Variants in CADM2 observed in about 807,000 individuals in gnomAD.
CADM2 encodes the protein cell adhesion molecule 2.
Under a neutral mutation model 49.8 loss-of-function variants are expected in CADM2, and 12 were observed. The ratio of observed to expected loss-of-function variants is 0.24; its 90% CI spans 0.15 to 0.39. The LOEUF (loss-of-function observed/expected upper bound fraction) is 0.39. CADM2 is among the 10% of genes least tolerant of loss of function. The probability of loss-of-function intolerance (pLI) is 1.00; values close to 1 mark genes in which losing one functional copy is unlikely to be tolerated. For missense variants in CADM2, 378 were observed against 492.3 expected (o/e 0.77, Z 2.20); for synonymous variants, 214 against 175.4 (o/e 1.22, Z -1.74).
At chr3:85,411,705 G>A (rs746224749) in intron 1 of CADM2, among the ~76,000 whole-genome samples, 24 of 152,186 alleles carry the variant, frequency 1.6e-4, no homozygotes, top group Non-Finnish European at 3.4e-4. Flanking sequence ...ACACCACCAA[G>A]GTTTATTTCA....
intron 1 of CADM2, among the ~76,000 whole-genome samples, chr3:85,107,921 C>T (rs1337106722): frequency 2.0e-5 from 3 of 151,956 alleles, no homozygotes; most frequent in South Asian, 2.1e-4. Context: ...AGGCTGGTCT[C>T]GAACTCCTGA....
At chr3:85,868,715 T>A (rs914497077) in intron 3 of CADM2, among the ~76,000 whole-genome samples, 6 of 152,124 alleles carry the variant, frequency 3.9e-5, no homozygotes, top group Non-Finnish European at 7.4e-5. Context: ...GTTGTCATAG[T>A]GTTATTTTTC....
chr3:85,024,457 T>C (rs1273409863), intron 1 of CADM2, among the ~76,000 whole-genome samples: 1 of 152,086 alleles, frequency 6.6e-6, no homozygotes, highest in African/African-American at 2.4e-5. Context: ...GTATATGTTA[T>C]AATCATAAGT....
At chr3:84,991,528 CAT>C (rs760575299) in intron 1 of CADM2, among the ~76,000 whole-genome samples, 3 of 152,160 alleles carry the variant, frequency 2.0e-5, no homozygotes, top group Non-Finnish European at 2.9e-5. Flanking sequence ...CTTCTACACA[CAT>C]GTTAGAATGG....
chr3:85,170,232 T>C (rs2107683194), intron 1 of CADM2, among the ~76,000 whole-genome samples: 1 of 152,348 alleles, frequency 6.6e-6, no homozygotes, highest in East Asian at 1.9e-4. Flanking sequence ...GATTAATTTA[T>C]TCTGGCGCCT....
intron 3 of CADM2, among the ~76,000 whole-genome samples, chr3:85,810,545 T>G (rs1462544182): frequency 7.0e-6 from 1 of 141,868 alleles, no homozygotes; most frequent in Non-Finnish European, 1.5e-5. Flanking sequence ...TTTTTTTTTT[T>G]TTTTTTTTTT....
intron 8 of CADM2, among the ~76,000 whole-genome samples, chr3:86,036,919 T>C (rs1446848725): frequency 1.3e-5 from 2 of 152,170 alleles, no homozygotes; most frequent in Non-Finnish European, 2.9e-5. Flanking sequence ...TTTAGTTCTT[T>C]TTCACCTCAG....
chr3:85,433,445 G>T (rs7609594), intron 1 of CADM2, among the ~76,000 whole-genome samples: 4 of 151,728 alleles, frequency 2.6e-5, no homozygotes, highest in African/African-American at 9.7e-5. Flanking sequence ...GAACTCAGTT[G>T]GGAAAATCAT....
intron 1 of CADM2, among the ~76,000 whole-genome samples, chr3:85,677,510 C>A (rs1197651200): frequency 6.6e-6 from 1 of 151,642 alleles, no homozygotes; most frequent in Non-Finnish European, 1.5e-5. Context: ...ATGAAGTAAG[C>A]TAAGAGTATA....
intron 1 of CADM2, among the ~76,000 whole-genome samples, chr3:85,063,506 G>C (rs763706400): frequency 3.9e-5 from 6 of 151,908 alleles, no homozygotes; most frequent in Non-Finnish European, 8.8e-5. Context: ...TATCAAACTT[G>C]TATATTTTGA....
intron 1 of CADM2, among the ~76,000 whole-genome samples, chr3:85,508,664 G>A (rs1180554946): frequency 6.6e-6 from 1 of 152,096 alleles, no homozygotes; most frequent in Admixed American, 6.6e-5. Flanking sequence ...TGGGAATCAG[G>A]TAAATGTATA....
chr3:85,085,333 G>T (rs749971306), intron 1 of CADM2, among the ~76,000 whole-genome samples: 5 of 152,020 alleles, frequency 3.3e-5, no homozygotes, highest in Non-Finnish European at 5.9e-5. Flanking sequence ...GTGCCAGCTT[G>T]TTTCACTTAG....
chr3:85,843,757 T>G (rs1320479525), intron 3 of CADM2, among the ~76,000 whole-genome samples: 1 of 152,100 alleles, frequency 6.6e-6, no homozygotes, highest in Non-Finnish European at 1.5e-5. Flanking sequence ...ACGTTAATGC[T>G]CCAGGTAAAC....
chr3:86,026,055 A>T (rs1324950784), intron 8 of CADM2, among the ~76,000 whole-genome samples: 3 of 152,154 alleles, frequency 2.0e-5, no homozygotes, highest in Non-Finnish European at 4.4e-5. Context: ...AAGAACAGCT[A>T]TATTAATTTA....
At chr3:85,125,261 C>A (rs116327201) in intron 1 of CADM2, among the ~76,000 whole-genome samples, 92 of 152,162 alleles carry the variant, frequency 6.0e-4, no homozygotes, top group African/African-American at 2.2e-3. Flanking sequence ...AAGGAAGTGG[C>A]AGCCTTAATA....
chr3:86,013,712 G>T, intron 8 of CADM2: 2 of 1,597,238 alleles, frequency 1.3e-6, no homozygotes, highest in Non-Finnish European at 1.7e-6. Flanking sequence ...GCCTAAGAGA[G>T]GAATTTATAG....
chr3:85,926,830 C>A lies in CADM2; in HGVS notation c.701-8937C>A, dbSNP rs1719943659. 2.0e-5 allele frequency among the ~76,000 whole-genome samples: 3 copies of A among 152,052 alleles called. No individual in the cohort carries two copies. The South Asian group carries it at 6.2e-4, about 31-fold the overall frequency. On this transcript the variant is annotated intron_variant, in intron 6 of 9. Coordinates refer to ENST00000383699, the MANE Select transcript of CADM2 (RefSeq NM_001167675.2). ...TATGCAGATCATATAGAGCCAAAGC[C>A]TTGGGCTGGCTGCTAATTTAACCAG...
At chr3:85,161,768 A>T (rs1031571726) in intron 1 of CADM2, among the ~76,000 whole-genome samples, 1 of 152,182 alleles carries the variant, frequency 6.6e-6, no homozygotes, top group African/African-American at 2.4e-5. Flanking sequence ...CTGTAATCAC[A>T]GCACTTTGGG....
intron 1 of CADM2, among the ~76,000 whole-genome samples, chr3:84,987,044 C>G (rs1311093613): frequency 1.3e-5 from 2 of 151,244 alleles, no homozygotes; most frequent in African/African-American, 4.9e-5. Flanking sequence ...AAGAGCGAAA[C>G]TCCGTCTCAA....
Sources: gnomAD v4.1 joint callset for allele counts (sites outside exome capture counted in the v4.1 genomes callset) on GRCh38, gnomAD v4.1.1 for gene constraint, MANE v1.5 for transcripts, NCBI Gene and HGNC (gene_info 2026-07-23, HGNC 2026-07-21) for gene names.